Variants in EDA observed in about 807,000 individuals in gnomAD.
EDA encodes the protein ectodysplasin A, also known as ectodysplasin-A.
A neutral mutation model predicts 23.6 loss-of-function variants in EDA; 2 were observed. That is an observed-to-expected ratio of 0.08 (90% CI 0.03 to 0.27). The LOEUF is 0.27. Ranked by LOEUF, EDA falls within the 10% of genes least tolerant of loss-of-function variation. The pLI, the probability that EDA is intolerant of heterozygous loss-of-function variation, is 1.00. For synonymous variants in EDA, 131 were observed against 132.0 expected (o/e 0.99, Z 0.05); for missense variants, 229 against 324.2 (o/e 0.71, Z 2.26).
Position 69,616,419 on chromosome X carries a change from G to A in EDA, c.111G>A (p.Gly37=), listed in dbSNP as rs1301485954. The A allele has an allele frequency of 7.4e-6, 9 of 1,209,876 alleles. No homozygotes were observed. Among genetic ancestry groups the A allele is most frequent in the Non-Finnish European group, 8.9e-6 (8 of 895,126 alleles). The part of the protein sequence containing the change: ...CGGAPARAGE[G]NSCLLFLGFF... Reference sequence around the variant, plus strand: ...GGGCCCCTGCCCGGGCGGGCGAAGGGAACAGCTGCCTGCTCTTCCTGGGTT... The same window carrying A: ...GGGCCCCTGCCCGGGCGGGCGAAGGAAACAGCTGCCTGCTCTTCCTGGGTT... Residue 37 remains glycine (G), a synonymous_variant, in exon 1 of 8, where the codon GGG becomes GGA. Coordinates refer to ENST00000374552, the MANE Select transcript of EDA (RefSeq NM_001399.5).
chrX:69,789,200 C>A (rs948557068), intron 1 of EDA, among the ~76,000 whole-genome samples: 5 of 111,860 alleles, frequency 4.5e-5, no homozygotes, highest in Non-Finnish European at 7.5e-5. Context: ...TCTCGCACTC[C>A]CTAGTGAGAT....
At chrX:69,845,953 T>C (rs1313989145) in intron 1 of EDA, among the ~76,000 whole-genome samples, 2 of 112,050 alleles carry the variant, frequency 1.8e-5, no homozygotes. Flanking sequence ...CAGCTAACAT[T>C]TGGATTACAA....
intron 2 of EDA, among the ~76,000 whole-genome samples, chrX:69,973,451 A>T (rs1001774541): frequency 1.8e-5 from 2 of 111,914 alleles, no homozygotes; most frequent in African/African-American, 3.2e-5. Context: ...GCAAACAAAG[A>T]TTGTAAAACT....
At chrX:69,823,791 G>A (rs1234778307) in intron 1 of EDA, among the ~76,000 whole-genome samples, 1 of 90,022 alleles carries the variant, frequency 1.1e-5, no homozygotes, top group Non-Finnish European at 2.1e-5. Flanking sequence ...GTCCTGAATG[G>A]TAATGTCTAG....
chrX:69,716,043 G>C (rs1445693900), intron 1 of EDA, among the ~76,000 whole-genome samples: 1 of 111,834 alleles, frequency 8.9e-6, no homozygotes, highest in East Asian at 2.8e-4. Flanking sequence ...TCTGCTGATA[G>C]TTTCTTTTGC....
intron 1 of EDA, among the ~76,000 whole-genome samples, chrX:69,683,655 T>C (rs1242908504): frequency 8.9e-6 from 1 of 111,739 alleles, no homozygotes; most frequent in African/African-American, 3.3e-5. Context: ...CGGCAGACTG[T>C]GTCTTACTCA....
At chrX:69,859,500 A>G (rs747705248) in intron 1 of EDA, among the ~76,000 whole-genome samples, 25 of 112,255 alleles carry the variant, frequency 2.2e-4, no homozygotes, top group Non-Finnish European at 4.3e-4. Context: ...AAAGTCATTC[A>G]GGAGCAGGTT....
rs73226422 is a variant in EDA at position 69,848,098 on chromosome X, A to T, written c.397-108929A>T. On this transcript the variant is annotated intron_variant, in intron 1 of 7. Transcript: ENST00000374552. ...TTACATTTTCCTAATGGCTAATTGT[A>T]TGGATCATCTTTTCATATGTTCAAC... 8.6e-3 allele frequency among the ~76,000 whole-genome samples: 964 copies of T among 112,212 alleles called. 5 individuals carry two copies. The highest frequency in any genetic ancestry group is 0.014 in the Non-Finnish European group (755 of 53,216).
intron 1 of EDA, among the ~76,000 whole-genome samples, chrX:69,915,586 A>G (rs2018328515): frequency 2.1e-5 from 1 of 48,480 alleles, no homozygotes; most frequent in Non-Finnish European, 4.8e-5. Flanking sequence ...CTGGGCAACA[A>G]GAGCGAAAAA....
intron 1 of EDA, among the ~76,000 whole-genome samples, chrX:69,778,394 GTAA>G (rs1396430222): frequency 9.0e-6 from 1 of 111,405 alleles, no homozygotes; most frequent in East Asian, 2.8e-4. Context: ...CTCCTGAACA[GTAA>G]TAAATAGTGA....
chrX:69,890,663 TTTAGTA>T (rs2017912499), intron 1 of EDA, among the ~76,000 whole-genome samples: 1 of 111,574 alleles, frequency 9.0e-6, no homozygotes, highest in African/African-American at 3.3e-5. Context: ...GGATTCCCTG[TTTAGTA>T]AGTGGTGCTG....
intron 2 of EDA, among the ~76,000 whole-genome samples, chrX:69,966,720 T>C (rs915731549): frequency 1.8e-5 from 2 of 110,046 alleles, no homozygotes; most frequent in African/African-American, 6.6e-5. Context: ...ATAGACATAC[T>C]ATTGAATATT....
chrX:69,650,441 C>T (rs924163298), intron 1 of EDA, among the ~76,000 whole-genome samples: 7 of 110,431 alleles, frequency 6.3e-5, no homozygotes, highest in Non-Finnish European at 9.5e-5. Flanking sequence ...AGAGGGGTCA[C>T]GAAGAGGGGT....
rs2016616315 is a variant in EDA, at chrX:69,831,797, A to G, written c.397-125230A>G. On this transcript the variant is annotated intron_variant, in intron 1 of 7. Transcript: ENST00000374552. ...TTGCATTTCTCTAATGACCATGATG[A>G]TGAGCATTTTTTCATGTGTCTGTTG... 4.4e-5 allele frequency among the ~76,000 whole-genome samples: 5 copies of G among 112,708 alleles called. No homozygotes were observed. The South Asian group carries it at 1.8e-3, about 41-fold the overall frequency.
At chrX:69,891,565 T>G (rs781374529) in intron 1 of EDA, among the ~76,000 whole-genome samples, 1 of 101,151 alleles carries the variant, frequency 9.9e-6, no homozygotes, top group Non-Finnish European at 2.1e-5. Context: ...ATATACACTA[T>G]GGAATACTAT....
intron 2 of EDA, among the ~76,000 whole-genome samples, chrX:69,971,651 C>T (rs1284421701): frequency 9.0e-6 from 1 of 111,540 alleles, no homozygotes; most frequent in South Asian, 3.8e-4. Context: ...AACCTCTATC[C>T]AGATAGCTCA....
chrX:70,001,648 G>A (rs1430970308), intron 2 of EDA, among the ~76,000 whole-genome samples: 2 of 112,590 alleles, frequency 1.8e-5, no homozygotes, highest in Admixed American at 1.9e-4. Context: ...TGCCAGTGTA[G>A]CCTTTACTAT....
intron 1 of EDA, among the ~76,000 whole-genome samples, chrX:69,679,265 A>G (rs1213453743): frequency 1.9e-5 from 2 of 104,597 alleles, no homozygotes; most frequent in African/African-American, 3.5e-5. Context: ...TTCATCAAGG[A>G]TATTGGTCTA....
chrX:69,683,033 G>A (rs1044512407), intron 1 of EDA, among the ~76,000 whole-genome samples: 1 of 111,455 alleles, frequency 9.0e-6, no homozygotes, highest in Non-Finnish European at 1.9e-5. Context: ...CCTTTGGACA[G>A]TTTGACCACT....
Sources: allele counts gnomAD v4.1 joint callset (sites outside exome capture counted in the v4.1 genomes callset), GRCh38; gene constraint gnomAD v4.1.1; transcripts MANE v1.5; gene names NCBI Gene and HGNC (gene_info 2026-07-23, HGNC 2026-07-21).